Variants in HECW1 observed in about 807,000 individuals in gnomAD.
The protein encoded by HECW1 is E3 ubiquitin-protein ligase HECW1.
Under a neutral mutation model 182.3 loss-of-function variants are expected in HECW1, and 61 were observed. The observed-to-expected ratio is 0.33, with a 90% CI of 0.27 to 0.41. HECW1 has a LOEUF of 0.41. Among genes scored for constraint, HECW1 ranks in the 10% least tolerant of loss-of-function variants. The pLI, the probability that HECW1 is intolerant of heterozygous loss-of-function variation, is 1.00. For missense variants in HECW1, 1,739 were observed against 2,108.9 expected, an observed-to-expected ratio of 0.82 and a Z score of 3.44; for synonymous variants, 859 against 832.6, an observed-to-expected ratio of 1.03 and a Z score of -0.55.
chr7:43,340,772 C>G (rs1812870126), intron 5 of HECW1, among the ~76,000 whole-genome samples: 1 of 151,620 alleles, frequency 6.6e-6, no homozygotes, highest in Non-Finnish European at 1.5e-5. Flanking sequence ...GGATCTAGAA[C>G]TAGAAATACC....
chr7:43,353,255 C>A (rs1814684619), intron 5 of HECW1, among the ~76,000 whole-genome samples: 1 of 151,890 alleles, frequency 6.6e-6, no homozygotes, highest in African/African-American at 2.4e-5. Context: ...ATTTAATATC[C>A]CTTTTCAGCT....
At chr7:43,204,235 A>G (rs567398428) in intron 2 of HECW1, among the ~76,000 whole-genome samples, 1 of 152,250 alleles carries the variant, frequency 6.6e-6, no homozygotes, top group Non-Finnish European at 1.5e-5. Context: ...TTTCAAAAGA[A>G]AGCTTGAAAC....
chr7:43,492,023 C>A, intron 17 of HECW1, 52 bp from the exon 18 acceptor site: 2 of 1,304,742 alleles, frequency 1.5e-6, no homozygotes, highest in Non-Finnish European at 2.2e-6. Flanking sequence ...TATCAAGAGA[C>A]ATCTGAAATT....
chr7:43,290,926 C>G (rs1805319695), intron 3 of HECW1, among the ~76,000 whole-genome samples: 1 of 152,150 alleles, frequency 6.6e-6, no homozygotes, highest in Non-Finnish European at 1.5e-5. Flanking sequence ...GACCCCATCC[C>G]AGAGGAGCCA....
chr7:43,175,101 C>CT (rs1400890617), intron 2 of HECW1, among the ~76,000 whole-genome samples: 1 of 151,510 alleles, frequency 6.6e-6, no homozygotes, highest in Admixed American at 6.6e-5. Flanking sequence ...AAATTTTTCT[C>CT]TTTTTTTTAA....
At chr7:43,146,438 A>G (rs1216080333) in intron 2 of HECW1, among the ~76,000 whole-genome samples, 2 of 152,216 alleles carry the variant, frequency 1.3e-5, no homozygotes, top group South Asian at 2.1e-4. Context: ...TATCAATGCC[A>G]TCACTGAAAT....
At chr7:43,484,057 G>C (rs1400332399) in intron 17 of HECW1, 1 of 152,268 alleles carries the variant, frequency 6.6e-6, no homozygotes, top group Admixed American at 6.5e-5. Context: ...AAAGTCACTG[G>C]GACTTCAGTC....
In HECW1 at chr7:43,241,202, T is replaced by C. The variant is rs535351498; in HGVS notation, c.-31-2673T>C. 3 of 152,382 alleles carry C rather than the reference T, an allele frequency of 2.0e-5. No homozygotes were observed. In the South Asian group the frequency reaches 6.2e-4, roughly 32 times the overall value. 9.4% of individuals were successfully genotyped at this position (152,382 alleles called of 1,614,324 possible). ...AAGGGGCCGTGCAGATCTGTGTAGC[T>C]GAAGGTGGGCTGCGAGCAGGGAGTA... On this transcript the variant is annotated intron_variant, in intron 2 of 29. Coordinates refer to ENST00000395891, the MANE Select transcript of HECW1 (RefSeq NM_015052.5).
Position 43,243,837 on chromosome 7 carries a change from G to C in HECW1, c.-31-38G>C. 6.7e-7 allele frequency: 1 copy of C among 1,501,954 alleles called. No individual in the cohort carries two copies. 93.0% of individuals were successfully genotyped at this position (1,501,954 alleles called of 1,614,324 possible). On this transcript the variant is annotated intron_variant, in intron 2 of 29. Coordinates refer to ENST00000395891, the MANE Select transcript of HECW1 (RefSeq NM_015052.5). This position sits in a 1 kb window ranked among gnomAD's most constrained non-coding sequence, Gnocchi z 4.0. ...AATGTTGCTGATTTTGTTTGCTTGG[G>C]ATACACGCTAAGTTAACCTCGTTGG...
intron 5 of HECW1, among the ~76,000 whole-genome samples, chr7:43,355,969 C>A (rs1178473008): frequency 1.3e-5 from 2 of 151,686 alleles, no homozygotes; most frequent in African/African-American, 4.9e-5. Context: ...AGCCTGGCAA[C>A]AGAGCAAGAC....
intron 8 of HECW1, among the ~76,000 whole-genome samples, chr7:43,435,129 A>G (rs2076670489): frequency 6.6e-6 from 1 of 150,926 alleles, no homozygotes; most frequent in Non-Finnish European, 1.5e-5. Flanking sequence ...ATTTAGTGTT[A>G]CATGTAATTA....
chr7:43,377,112 G>A (rs1203744910), intron 6 of HECW1, among the ~76,000 whole-genome samples: 1 of 152,104 alleles, frequency 6.6e-6, no homozygotes, highest in African/African-American at 2.4e-5. Context: ...AGATGCCTGG[G>A]ACTGTGCTCT....
At chr7:43,253,746 A>C (rs1441381468) in intron 3 of HECW1, among the ~76,000 whole-genome samples, 3 of 152,162 alleles carry the variant, frequency 2.0e-5, no homozygotes, top group Non-Finnish European at 2.9e-5. Context: ...TCTCTACTAA[A>C]AATACAAAAA....
intron 7 of HECW1, among the ~76,000 whole-genome samples, chr7:43,402,098 A>C (rs2075437319): frequency 6.6e-6 from 1 of 152,120 alleles, no homozygotes; most frequent in African/African-American, 2.4e-5. Context: ...CATCCTGCTG[A>C]GAGCTACCTC....
intron 2 of HECW1, among the ~76,000 whole-genome samples, chr7:43,179,267 C>G (rs916104772): frequency 6.6e-6 from 1 of 152,144 alleles, no homozygotes; most frequent in Admixed American, 6.6e-5. Context: ...ATTATTTGTG[C>G]GGCATCAAGG....
intron 26 of HECW1, among the ~76,000 whole-genome samples, chr7:43,542,212 T>G (rs1036700333): frequency 3.9e-5 from 6 of 152,154 alleles, no homozygotes; most frequent in Non-Finnish European, 7.4e-5. Context: ...CACCCACAAC[T>G]CCTGGCAACT....
intron 26 of HECW1, among the ~76,000 whole-genome samples, chr7:43,546,195 A>G (rs934284690): frequency 8.0e-6 from 1 of 124,536 alleles, no homozygotes; most frequent in Non-Finnish European, 1.7e-5. Flanking sequence ...CAAGATCTAT[A>G]TCTTGAAACC....
intron 6 of HECW1, among the ~76,000 whole-genome samples, chr7:43,362,506 G>A (rs1186977152): frequency 2.0e-5 from 3 of 152,222 alleles, no homozygotes; most frequent in Non-Finnish European, 2.9e-5. Context: ...AGCAATTTAA[G>A]TGTGAGAATC....
intron 26 of HECW1, among the ~76,000 whole-genome samples, chr7:43,547,591 A>G (rs1585262298): frequency 6.6e-6 from 1 of 152,126 alleles, no homozygotes; most frequent in African/African-American, 2.4e-5. Flanking sequence ...ATAAAAAGAT[A>G]TTCCACAAAA....
Sources: allele counts gnomAD v4.1 joint callset (sites outside exome capture counted in the v4.1 genomes callset), GRCh38; gene constraint gnomAD v4.1.1; non-coding constraint Gnocchi (gnomAD v3.1); transcripts MANE v1.5; gene names NCBI Gene and HGNC (gene_info 2026-07-23, HGNC 2026-07-21).